DUSP22: variants seen among roughly 807,000 people sequenced by gnomAD.
The protein encoded by DUSP22 is dual specificity phosphatase 22, also known as dual specificity protein phosphatase 22.
DUSP22 carries 24 observed loss-of-function variants against 24.5 expected under a neutral mutation model. The observed-to-expected ratio is 0.98, with a 90% CI of 0.71 to 1.38. The LOEUF (loss-of-function observed/expected upper bound fraction) is 1.38, where lower values mean the gene tolerates loss of function less well. DUSP22 is among the 40% of genes most tolerant of loss of function. The pLI is 0.00. For missense variants in DUSP22, 330 were observed against 269.2 expected, an observed-to-expected ratio of 1.23 and a Z score of -1.58; for synonymous variants, 160 against 106.4, an observed-to-expected ratio of 1.50 and a Z score of -3.10.
In DUSP22 at chr6:349,190, C is replaced by A; in HGVS notation, c.*239C>A. On this transcript the variant is annotated 3_prime_UTR_variant, in exon 7 of 7. Transcript: ENST00000419235. ...CTGGGGATGTTGCCCAGTGGCTGTG[C>A]ACTGCTCTGTGCACGTGCGTGTGTG... The A allele has an allele frequency of 7.0e-7, 1 of 1,422,530 alleles. No individual in the cohort carries two copies. The highest frequency in any genetic ancestry group is 9.2e-7 in the Non-Finnish European group (1 of 1,092,414). The allele number at this position is 1,422,530 out of a possible 1,614,324, so 88.1% of individuals were successfully genotyped here. A position where few individuals can be genotyped will look rare whatever the true frequency, so the allele number is the denominator to read the frequency against.
Position 350,967 on chromosome 6 carries a change from G to T in DUSP22, c.*2016G>T. On this transcript the variant is annotated 3_prime_UTR_variant, in exon 7 of 7. Transcript: ENST00000419235. Reference sequence around the variant, plus strand: ...GAGTTTAAGTATCCAGTAGTGATTTGTAAACTTGTTTTTCATTTGAAGCTG... The same window carrying T: ...GAGTTTAAGTATCCAGTAGTGATTTTTAAACTTGTTTTTCATTTGAAGCTG... 1 of 1,528,472 alleles carries T rather than the reference G, an allele frequency of 6.5e-7. No homozygotes were observed. Among genetic ancestry groups the T allele is most frequent in the Non-Finnish European group, 9.0e-7 (1 of 1,110,262 alleles). 94.7% of individuals were successfully genotyped at this position (1,528,472 alleles called of 1,614,324 possible). A position where few individuals can be genotyped will look rare whatever the true frequency, so the allele number is the denominator to read the frequency against.
chr6:338,938 T>G (rs1052496599), intron 4 of DUSP22, among the ~76,000 whole-genome samples: 1 of 152,312 alleles, frequency 6.6e-6, no homozygotes, highest in Non-Finnish European at 1.5e-5. Flanking sequence ...TTGGCCTCTA[T>G]CCTCTCAAAT....
At chr6:328,263 G>A (rs547274989) in intron 3 of DUSP22, among the ~76,000 whole-genome samples, 32 of 152,410 alleles carry the variant, frequency 2.1e-4, no homozygotes, top group African/African-American at 7.2e-4. Flanking sequence ...AAGTCCTGCA[G>A]CTGAACTGAA....
At chr6:335,523 AATAG>A (rs1242124230) in intron 4 of DUSP22, among the ~76,000 whole-genome samples, 5 of 152,306 alleles carry the variant, frequency 3.3e-5, no homozygotes, top group Admixed American at 6.5e-5. Flanking sequence ...GTCCAATAGA[AATAG>A]ATAGTGAGCC....
chr6:327,966 G>C (rs1344254941), intron 3 of DUSP22, among the ~76,000 whole-genome samples: 1 of 152,306 alleles, frequency 6.6e-6, no homozygotes, highest in Non-Finnish European at 1.5e-5. Context: ...GTGAAAATGG[G>C]TCTTCTCTAC....
At chr6:342,771 G>A (rs1581190204) in intron 4 of DUSP22, among the ~76,000 whole-genome samples, 1 of 151,372 alleles carries the variant, frequency 6.6e-6, no homozygotes, top group East Asian at 1.9e-4. Flanking sequence ...CCTCTCTTCG[G>A]GAAGGGAAAG....
intron 3 of DUSP22, among the ~76,000 whole-genome samples, chr6:321,067 G>T (rs1056886232): frequency 6.6e-6 from 1 of 152,300 alleles, no homozygotes. Flanking sequence ...AGACAGCAAG[G>T]CTTCACCAAA....
intron 2 of DUSP22, among the ~76,000 whole-genome samples, chr6:308,860 C>T (rs1757943118): frequency 6.6e-6 from 1 of 152,310 alleles, no homozygotes; most frequent in Non-Finnish European, 1.5e-5. Context: ...ATTCAAATGC[C>T]AGGTGGAATG....
At chr6:344,964 G>C (rs1759786401) in intron 4 of DUSP22, among the ~76,000 whole-genome samples, 1 of 152,306 alleles carries the variant, frequency 6.6e-6, no homozygotes, top group South Asian at 2.1e-4. Flanking sequence ...GGGGCATTGA[G>C]GGGCTCCGAT....
At chr6:306,859 C>T (rs1247678029) in intron 2 of DUSP22, among the ~76,000 whole-genome samples, 3 of 152,426 alleles carry the variant, frequency 2.0e-5, no homozygotes, top group East Asian at 3.8e-4. Flanking sequence ...ACATGAGTTA[C>T]ACACCTGGGG....
chr6:342,938 A>G (rs1293968544), intron 4 of DUSP22, among the ~76,000 whole-genome samples: 1 of 152,304 alleles, frequency 6.6e-6, no homozygotes, highest in Non-Finnish European at 1.5e-5. Context: ...CCAACCGCAG[A>G]CGGCTAGTTG....
At chr6:338,963 T>G (rs1759479125) in intron 4 of DUSP22, among the ~76,000 whole-genome samples, 1 of 152,310 alleles carries the variant, frequency 6.6e-6, no homozygotes, top group Non-Finnish European at 1.5e-5. Context: ...CTCTCTGATC[T>G]TCCAGGAACT....
chr6:306,610 A>G (rs896915669), intron 2 of DUSP22, among the ~76,000 whole-genome samples: 1 of 152,312 alleles, frequency 6.6e-6, no homozygotes, highest in African/African-American at 2.4e-5. Flanking sequence ...ATATTTATTA[A>G]ACGCTTTCCA....
intron 4 of DUSP22, among the ~76,000 whole-genome samples, chr6:335,932 A>G (rs1759343432): frequency 6.6e-6 from 1 of 152,298 alleles, no homozygotes; most frequent in Admixed American, 6.5e-5. Context: ...TTAACTCTGC[A>G]CCTATAGAGA....
intron 4 of DUSP22, among the ~76,000 whole-genome samples, chr6:342,647 T>A (rs536000584): frequency 6.6e-6 from 1 of 152,296 alleles, no homozygotes; most frequent in African/African-American, 2.4e-5. Context: ...CGTGTTTGAC[T>A]GACACATGGC....
chr6:337,016 G>A (rs1759387044), intron 4 of DUSP22: 1 of 152,458 alleles, frequency 6.6e-6, no homozygotes, highest in Non-Finnish European at 1.5e-5. Context: ...TTCTTTAGAA[G>A]AAAAACTCAG....
chr6:339,190 G>A (rs1052465376), intron 4 of DUSP22, among the ~76,000 whole-genome samples: 5 of 152,306 alleles, frequency 3.3e-5, no homozygotes, highest in African/African-American at 9.6e-5. Context: ...TGTTCCCCAA[G>A]TGGCCAGCGT....
chr6:315,389 A>T (rs1758297311), intron 3 of DUSP22, among the ~76,000 whole-genome samples: 1 of 152,302 alleles, frequency 6.6e-6, no homozygotes, highest in Admixed American at 6.5e-5. Flanking sequence ...ACGTTGGGAG[A>T]CAGGAAAGGA....
chr6:325,395 G>T, intron 3 of DUSP22: 1 of 205,272 alleles, frequency 4.9e-6, no homozygotes, highest in Non-Finnish European at 9.2e-6. Context: ...TCTGCCCTGG[G>T]CTTCTGCGTC....
Sources: allele counts gnomAD v4.1 joint callset (sites outside exome capture counted in the v4.1 genomes callset), GRCh38; gene constraint gnomAD v4.1.1; transcripts MANE v1.5; gene names NCBI Gene and HGNC (gene_info 2026-07-23, HGNC 2026-07-21).